CPLANE1: variants seen among roughly 807,000 people sequenced by gnomAD.
CPLANE1 encodes ciliogenesis and planar polarity effector complex subunit 1.
A neutral mutation model predicts 362.5 loss-of-function variants in CPLANE1; 263 were observed. The ratio of observed to expected loss-of-function variants is 0.73; its 90% CI spans 0.66 to 0.80. CPLANE1 has a LOEUF of 0.80. Among genes scored for constraint, CPLANE1 ranks in the 30% least tolerant of loss-of-function variants. The pLI is 0.00. For missense variants in CPLANE1, 3,461 were observed against 3,793.4 expected (o/e 0.91, Z 2.30); for synonymous variants, 1,212 against 1,302.6 (o/e 0.93, Z 1.50).
the CPLANE1 span, among the ~76,000 whole-genome samples, chr5:37,098,183 G>A: frequency 6.6e-6 from 1 of 151,868 alleles, no homozygotes; most frequent in Non-Finnish European, 1.5e-5. Context: ...CACAAGATCA[G>A]GAGTTCGAGA....
At chr5:37,108,752 G>A (rs184441525) in intron 51 of CPLANE1, among the ~76,000 whole-genome samples, 29 of 152,262 alleles carry the variant, frequency 1.9e-4, no homozygotes, top group South Asian at 2.1e-4. Flanking sequence ...ATAACAGAAC[G>A]GTGGAGAGGT....
intron 37 of CPLANE1, among the ~76,000 whole-genome samples, chr5:37,163,691 C>G (rs111293491): frequency 0.021 from 3,245 of 152,144 alleles, 130 homozygotes; most frequent in African/African-American, 0.075. Context: ...CTAACGAGCC[C>G]CTTTTGATCA....
Position 37,125,271 on chromosome 5 carries a change from A to G in CPLANE1, c.8931T>C (p.His2977=), listed in dbSNP as rs1763818444. ...GATTGCTTCTGGGACAGAAAGGATC[A>G]TGTTCTTGCCCTCTCTTTTCTGCCA... ...NELAEKRGQE[H]DPFCPRSNPL... The change falls in exon 47 of 53, where the codon CAT becomes CAC. Residue 2977 remains histidine (H), a synonymous_variant. Transcript: ENST00000651892. 7 of 1,613,922 alleles carry G rather than the reference A, an allele frequency of 4.3e-6. No individual in the cohort carries two copies. The highest frequency in any genetic ancestry group is 5.9e-6 in the Non-Finnish European group (7 of 1,179,960).
At chr5:37,095,533 C>T in the CPLANE1 span, among the ~76,000 whole-genome samples, 1 of 152,076 alleles carries the variant, frequency 6.6e-6, no homozygotes, top group Non-Finnish European at 1.5e-5. Flanking sequence ...CAAGGATGCC[C>T]ACTCTCACCA....
intron 49 of CPLANE1, 119 bp downstream of exon 49, chr5:37,121,498 C>T: frequency 1.4e-5 from 12 of 878,522 alleles, no homozygotes; most frequent in African/African-American, 6.8e-5. Flanking sequence ...TTTCCTTTAT[C>T]ATCATAACTC....
At chr5:37,125,537 T>A in intron 46 of CPLANE1, 128 bp from the exon 47 acceptor site, 1 of 796,016 alleles carries the variant, frequency 1.3e-6, no homozygotes, top group East Asian at 2.8e-5. Context: ...ATACTTATGT[T>A]CTCTAGTCAA....
intron 16 of CPLANE1, chr5:37,211,314 A>C (rs1580771654): frequency 1.3e-6 from 2 of 1,514,886 alleles, no homozygotes; most frequent in East Asian, 4.5e-5. Context: ...GGCTTTCAGA[A>C]GTTACCATCG....
At chr5:37,226,082 C>A (rs1796415280) in intron 12 of CPLANE1, among the ~76,000 whole-genome samples, 1 of 151,880 alleles carries the variant, frequency 6.6e-6, no homozygotes, top group Non-Finnish European at 1.5e-5. Flanking sequence ...AAAATAAAAT[C>A]TATAATGCTG....
In CPLANE1 at chr5:37,245,712, T is replaced by G. The variant is rs1482203832; in HGVS notation, c.215A>C (p.Asn72Thr). 2.0e-6 allele frequency: 3 copies of G among 1,511,114 alleles called. No homozygotes were observed. Among genetic ancestry groups the G allele is most frequent in the Non-Finnish European group, 2.6e-6 (3 of 1,132,226 alleles). The allele number at this position is 1,511,114 out of a possible 1,614,324, so 93.6% of individuals were successfully genotyped here. The stretch of plus-strand genomic sequence containing the variant: ...TGAAAATATCAGTACTACTTAACCA[T>G]TACTGGATGTTGTTAGGACAATAAC... ...KDVIVLTTSSNDAWLAGVLTT... is the reference protein window; with the variant it reads ...KDVIVLTTSSTDAWLAGVLTT... Residue 72 changes from asparagine to threonine, a missense_variant and splice_region_variant, in exon 3 of 53, where the codon AAT (asparagine) becomes ACT (threonine). Transcript: ENST00000651892.
chr5:37,173,964 T>A lies in CPLANE1; in HGVS notation c.5979-17A>T. 1 of 1,594,212 alleles carries A rather than the reference T, an allele frequency of 6.3e-7. No individual in the cohort carries two copies. On this transcript the variant is annotated splice_polypyrimidine_tract_variant and intron_variant, in intron 31 of 52. Transcript: ENST00000651892. ...ATCTGTGCACTGCGTGGAAAGCATT[T>A]AAATAAAAAACATGCATTAAAATTG... is the stretch of plus-strand genomic sequence containing the variant.
the CPLANE1 span, among the ~76,000 whole-genome samples, chr5:37,087,956 C>T: frequency 2.0e-5 from 3 of 152,278 alleles, no homozygotes; most frequent in African/African-American, 4.8e-5. Context: ...ATGAGTTGTA[C>T]GAACAAGCCA....
chr5:37,240,580 G>C (rs779600988), intron 6 of CPLANE1, among the ~76,000 whole-genome samples: 1 of 152,106 alleles, frequency 6.6e-6, no homozygotes, highest in African/African-American at 2.4e-5. Flanking sequence ...CTCAGAGCAA[G>C]AACTCATTAC....
At chr5:37,127,393 A>T (rs1348261328) in intron 46 of CPLANE1, among the ~76,000 whole-genome samples, 1 of 152,162 alleles carries the variant, frequency 6.6e-6, no homozygotes, top group Non-Finnish European at 1.5e-5. Flanking sequence ...TCTCTTGCTC[A>T]TCAAAATCCC....
At position 37,231,008 on chromosome 5, in the gene CPLANE1, A is replaced by G; in HGVS notation, c.980T>C (p.Leu327Pro). The change falls in exon 9 of 53, where the codon CTT becomes CCT. Residue 327 changes from leucine (L) to proline (P), a missense_variant. Transcript: ENST00000651892. Reference protein sequence around the residue: ...VGDISWTHDSLFLACMLKRGS... With the variant: ...VGDISWTHDSPFLACMLKRGS... ...ACGTTTTAACATACAAGCCAGAAAA[A>G]GACTATCATGCGTCCAGCTGATATC... is the stretch of plus-strand genomic sequence containing the variant. The G allele has an allele frequency of 5.2e-6, 8 of 1,549,952 alleles. No homozygotes were observed. The highest frequency in any genetic ancestry group is 7.0e-6 in the Non-Finnish European group (8 of 1,146,084).
chr5:37,242,327 C>A (rs533430892), intron 6 of CPLANE1, among the ~76,000 whole-genome samples: 1 of 151,518 alleles, frequency 6.6e-6, no homozygotes, highest in Non-Finnish European at 1.5e-5. Flanking sequence ...GCACTCCAGC[C>A]TGGGCGACAG....
intron 38 of CPLANE1, among the ~76,000 whole-genome samples, chr5:37,160,865 G>T (rs539881545): frequency 1.1e-4 from 16 of 151,958 alleles, no homozygotes; most frequent in African/African-American, 3.4e-4. Context: ...TAGAGATGGG[G>T]TTTCACCGTG....
intron 24 of CPLANE1, among the ~76,000 whole-genome samples, chr5:37,185,937 T>G (rs1378953775): frequency 6.6e-6 from 1 of 152,230 alleles, no homozygotes; most frequent in Non-Finnish European, 1.5e-5. Context: ...TACCATATGC[T>G]CATTTTATAT....
At chr5:37,238,481 C>CCTTTT (rs1190596602) in intron 8 of CPLANE1, among the ~76,000 whole-genome samples, 11 of 129,956 alleles carry the variant, frequency 8.5e-5, no homozygotes, top group African/African-American at 2.9e-4. Context: ...CAGCGCCCAG[C>CCTTTT]CTTTTCTTTT....
At chr5:37,201,925 T>C (rs1789303007) in intron 18 of CPLANE1, 117 bp from the exon 19 acceptor site, 1 of 665,956 alleles carries the variant, frequency 1.5e-6, no homozygotes, top group African/African-American at 1.8e-5. Flanking sequence ...ACACATTGGT[T>C]GACATACAAA....
Sources: allele counts gnomAD v4.1 joint callset (sites outside exome capture counted in the v4.1 genomes callset), GRCh38; gene constraint gnomAD v4.1.1; transcripts MANE v1.5; gene names NCBI Gene and HGNC (gene_info 2026-07-23, HGNC 2026-07-21).